The following ACYP2 variants were observed in gnomAD, a reference collection of about 807,000 sequenced individuals.
ACYP2 encodes acylphosphatase-2.
ACYP2 carries 12 observed loss-of-function variants against 11.2 expected under a neutral mutation model. The ratio of observed to expected loss-of-function variants is 1.08; its 90% confidence interval spans 0.69 to 1.74. The LOEUF (loss-of-function observed/expected upper bound fraction) is 1.74. Ranked by LOEUF, ACYP2 falls within the 40% of genes most tolerant of loss-of-function variation. The pLI is 0.00. For synonymous variants in ACYP2, 43 were observed against 32.2 expected (o/e 1.33, Z -1.13); for missense variants, 134 against 101.9 (o/e 1.31, Z -1.35).
intron 6 of ACYP2, among the ~76,000 whole-genome samples, chr2:54,248,121 A>G (rs1336598566): frequency 6.6e-6 from 1 of 152,222 alleles, no homozygotes; most frequent in Non-Finnish European, 1.5e-5. Context: ...ATAATTGCAA[A>G]GCAACTCATT....
At chr2:54,109,306 A>C (rs540968917) in intron 4 of ACYP2, among the ~76,000 whole-genome samples, 1 of 152,336 alleles carries the variant, frequency 6.6e-6, no homozygotes, top group Admixed American at 6.5e-5. Flanking sequence ...GAAGTAACCC[A>C]GGAATAGAAA....
chr2:54,263,190 T>C (rs1687855578), intron 6 of ACYP2, among the ~76,000 whole-genome samples: 1 of 152,150 alleles, frequency 6.6e-6, no homozygotes, highest in African/African-American at 2.4e-5. Context: ...TTAAGGAAGC[T>C]TACAATCATG....
At chr2:54,104,621 T>C (rs1679056256) in intron 4 of ACYP2, among the ~76,000 whole-genome samples, 1 of 152,220 alleles carries the variant, frequency 6.6e-6, no homozygotes, top group African/African-American at 2.4e-5. Context: ...CTTATGTTAG[T>C]CTGAGTATTC....
intron 6 of ACYP2, among the ~76,000 whole-genome samples, chr2:54,242,125 A>T (rs1220915780): frequency 1.3e-5 from 2 of 152,236 alleles, no homozygotes; most frequent in Non-Finnish European, 1.5e-5. Context: ...TGCTTGGTGA[A>T]AGTAATGGCA....
chr2:54,081,425 T>A (rs1345647575), intron 4 of ACYP2, among the ~76,000 whole-genome samples: 2 of 152,234 alleles, frequency 1.3e-5, no homozygotes, highest in Non-Finnish European at 2.9e-5. Context: ...TTATTGTACC[T>A]TCTCTATGTT....
At chr2:54,171,329 G>A (rs1216676964) in intron 6 of ACYP2, among the ~76,000 whole-genome samples, 4 of 152,158 alleles carry the variant, frequency 2.6e-5, no homozygotes, top group Non-Finnish European at 5.9e-5. Context: ...ACTGAAGATA[G>A]CGAATGGAAT....
chr2:54,219,655 G>GT (rs1284219580), intron 6 of ACYP2, among the ~76,000 whole-genome samples: 1 of 151,848 alleles, frequency 6.6e-6, no homozygotes, highest in Non-Finnish European at 1.5e-5. Context: ...GTCTCGCTCT[G>GT]TTGCCCAGGC....
intron 2 of ACYP2, among the ~76,000 whole-genome samples, chr2:53,984,908 GT>G (rs1299485065): frequency 6.6e-6 from 1 of 151,806 alleles, no homozygotes; most frequent in African/African-American, 2.4e-5. Context: ...CTGTTAAAAT[GT>G]TTATCAAGCT....
At chr2:54,083,751 A>C (rs963700823) in intron 4 of ACYP2, among the ~76,000 whole-genome samples, 1 of 152,070 alleles carries the variant, frequency 6.6e-6, no homozygotes, top group Non-Finnish European at 1.5e-5. Context: ...ACATCCCCCC[A>C]GACCCTGGGG....
At chr2:54,164,324 G>A (rs1234368524) in intron 6 of ACYP2, among the ~76,000 whole-genome samples, 1 of 152,174 alleles carries the variant, frequency 6.6e-6, no homozygotes, top group African/African-American at 2.4e-5. Context: ...TTAACTGCCA[G>A]GCTTTTGAGT....
At chr2:53,989,107 A>G (rs930354100) in intron 2 of ACYP2, among the ~76,000 whole-genome samples, 5 of 152,002 alleles carry the variant, frequency 3.3e-5, no homozygotes, top group Admixed American at 3.3e-4. Context: ...CCCAGTAGGA[A>G]TATTCCAAAC....
intron 6 of ACYP2, among the ~76,000 whole-genome samples, chr2:54,298,800 G>A (rs1001508137): frequency 3.3e-5 from 5 of 152,236 alleles, no homozygotes; most frequent in Non-Finnish European, 4.4e-5. Flanking sequence ...CGCCTAGGCT[G>A]GAGTGCAGTG....
At chr2:54,036,558 G>A (rs1002060375) in intron 2 of ACYP2, among the ~76,000 whole-genome samples, 3 of 152,178 alleles carry the variant, frequency 2.0e-5, no homozygotes, top group African/African-American at 7.2e-5. Flanking sequence ...GACTTCTCAT[G>A]TAGGCTGTCT....
intron 4 of ACYP2, among the ~76,000 whole-genome samples, chr2:54,066,613 C>A (rs1676764584): frequency 6.6e-6 from 1 of 152,188 alleles, no homozygotes; most frequent in Non-Finnish European, 1.5e-5. Flanking sequence ...TTGTTCCTTT[C>A]CCTTATTATG....
At chr2:54,177,901 C>CTTTTTTTTTTTT (rs1241070377) in intron 6 of ACYP2, among the ~76,000 whole-genome samples, 1 of 124,044 alleles carries the variant, frequency 8.1e-6, no homozygotes, top group African/African-American at 3.8e-5. Context: ...TTCTTTCTTT[C>CTTTTTTTTTTTT]TTTATTTTTT....
chr2:54,004,442 G>A lies in ACYP2; in HGVS notation c.62+30632G>A, dbSNP rs1456696634. ...TTTTTTTTTTTTGAGACAGAGTCTC[G>A]CTCTATCGCCCAGGCTGGAGTGCAG... On this transcript the variant is annotated intron_variant, in intron 2 of 6. Transcript: ENST00000607452. 8.4e-5 allele frequency among the ~76,000 whole-genome samples: 10 copies of A among 119,084 alleles called. No individual in the cohort carries two copies. In the East Asian group the frequency reaches 1.9e-3, roughly 23 times the overall value. 78.1% of individuals were successfully genotyped at this position (119,084 alleles called of 152,430 possible). A position where few individuals can be genotyped will look rare whatever the true frequency, so the allele number is the denominator to read the frequency against.
At chr2:54,106,831 C>A (rs1053859453) in intron 4 of ACYP2, among the ~76,000 whole-genome samples, 2 of 152,046 alleles carry the variant, frequency 1.3e-5, no homozygotes, top group Non-Finnish European at 2.9e-5. Context: ...GATCCGCCCC[C>A]CCTCGGCCTC....
chr2:54,114,011 G>A (rs1679601633), intron 4 of ACYP2, among the ~76,000 whole-genome samples: 2 of 152,040 alleles, frequency 1.3e-5, no homozygotes, highest in South Asian at 4.1e-4. Flanking sequence ...AACTGCACTA[G>A]CATTTCCAGA....
At chr2:54,271,269 A>G (rs1391607109) in intron 6 of ACYP2, among the ~76,000 whole-genome samples, 1 of 152,256 alleles carries the variant, frequency 6.6e-6, no homozygotes, top group Non-Finnish European at 1.5e-5. Context: ...AATTCTGCTC[A>G]AATGTAGGCA....
Sources: allele counts gnomAD v4.1 joint callset (sites outside exome capture counted in the v4.1 genomes callset), GRCh38; gene constraint gnomAD v4.1.1; transcripts MANE v1.5; gene names NCBI Gene and HGNC (gene_info 2026-07-23, HGNC 2026-07-21).